AGO4: variants seen among roughly 807,000 people sequenced by gnomAD.
AGO4 encodes the protein protein argonaute-4.
AGO4 carries 33 observed loss-of-function variants against 104.7 expected under a neutral mutation model. The observed-to-expected ratio is 0.32, with a 90% CI of 0.24 to 0.42. The LOEUF (loss-of-function observed/expected upper bound fraction) is 0.42. AGO4 is among the 10% of genes least tolerant of loss of function. The pLI is 1.00. For missense variants in AGO4, 711 were observed against 1,083.4 expected (o/e 0.66, Z 4.83); for synonymous variants, 331 against 364.7 (o/e 0.91, Z 1.05).
chr1:35,821,300 A>G (rs1463926061), intron 2 of AGO4, among the ~76,000 whole-genome samples: 1 of 152,200 alleles, frequency 6.6e-6, no homozygotes, highest in African/African-American at 2.4e-5. Flanking sequence ...AATTTTTTTC[A>G]GTCACATGAT....
intron 2 of AGO4, among the ~76,000 whole-genome samples, chr1:35,819,450 C>T (rs1017593006): frequency 2.0e-4 from 30 of 151,588 alleles, no homozygotes; most frequent in African/African-American, 4.1e-4. Flanking sequence ...AACAAAAGGC[C>T]GCGCGCGGTG....
chr1:35,844,183 A>G (rs997753121), intron 15 of AGO4, among the ~76,000 whole-genome samples: 2 of 152,102 alleles, frequency 1.3e-5, no homozygotes, highest in Admixed American at 1.3e-4. Context: ...CTGGGACTAC[A>G]GGCACTCACC....
Position 35,831,466 on chromosome 1 carries a change from T to A in AGO4, c.888T>A (p.Cys296Ter). 6.2e-7 allele frequency: 1 copy of A among 1,614,160 alleles called. No homozygotes were observed. Among genetic ancestry groups the A allele is most frequent in the Middle Eastern group, 1.6e-4 (1 of 6,062 alleles). The change falls in exon 8 of 18, where the codon TGT becomes TGA. Residue 296 changes from cysteine (C) to a stop codon, truncating the protein, a stop_gained. Coordinates refer to ENST00000373210, the MANE Select transcript of AGO4 (RefSeq NM_017629.4). LOFTEE classifies it high-confidence loss of function. ...TAGAAAACGGTCAAGCTATGGAATG[T>A]ACAGTAGCTCAATATTTTAAGCAAA... ...LQLENGQAMECTVAQYFKQKY... is the reference protein window; with the variant it reads ...LQLENGQAME
intron 3 of AGO4, among the ~76,000 whole-genome samples, chr1:35,825,074 C>T (rs1185127813): frequency 6.6e-6 from 1 of 152,090 alleles, no homozygotes; most frequent in African/African-American, 2.4e-5. Context: ...TTTCATTTAG[C>T]ATAATGTTTT....
chr1:35,826,722 G>GTT (rs1557560196), intron 6 of AGO4, 26 bp from the exon 7 acceptor site: 2 of 1,591,322 alleles, frequency 1.3e-6, no homozygotes. Flanking sequence ...ATTAACTGAT[G>GTT]TTTTGCCTTT....
intron 2 of AGO4, among the ~76,000 whole-genome samples, chr1:35,819,655 C>G (rs1053200095): frequency 2.0e-5 from 3 of 151,150 alleles, no homozygotes; most frequent in Non-Finnish European, 4.4e-5. Flanking sequence ...ATCACTTGAA[C>G]CCGGGAGACG....
rs181111244 is a variant in AGO4 at position 35,845,386 on chromosome 1, T to C, written c.2175+3636T>C. On this transcript the variant is annotated intron_variant, in intron 15 of 17. Transcript: ENST00000373210. Reference sequence around the variant, plus strand: ...CCATGCCCAGCTAATTTTGTATTTGTGGTAGAGACAGGGTTTCACTATGTT... The same window carrying C: ...CCATGCCCAGCTAATTTTGTATTTGCGGTAGAGACAGGGTTTCACTATGTT... Among the ~76,000 whole-genome samples the C allele has an allele frequency of 2.9e-3, 434 of 152,114 alleles. 2 individuals carry two copies. Among genetic ancestry groups the C allele is most frequent in the South Asian group, 3.3e-3 (16 of 4,822 alleles).
In AGO4 at chr1:35,822,942, A is replaced by G; in HGVS notation, c.266A>G (p.Asn89Ser). 6.2e-7 allele frequency: 1 copy of G among 1,614,116 alleles called. No homozygotes were observed. The highest frequency in any genetic ancestry group is 8.5e-7 in the Non-Finnish European group (1 of 1,180,000). ...DRQPGYDGKR[N>S]MYTAHPLPIG... is the part of the protein sequence containing the mutation. ...CAGCCTGGGTATGATGGCAAAAGAA[A>G]CATGTACACAGCACATCCACTACCA... Residue 89 changes from asparagine to serine, a missense_variant, in exon 3 of 18, where the codon AAC becomes AGC. By Grantham distance (46) the Asn-to-Ser change is conservative (BLOSUM62 1). Coordinates refer to ENST00000373210, the MANE Select transcript of AGO4 (RefSeq NM_017629.4).
At position 35,810,460 on chromosome 1, in the gene AGO4, G is replaced by A. The variant is rs527279438; in HGVS notation, c.19+2025G>A. Among the ~76,000 whole-genome samples, 4 of 152,190 alleles carry A rather than the reference G, an allele frequency of 2.6e-5. No homozygotes were observed. In the South Asian group the frequency reaches 8.3e-4, roughly 32 times the overall value. On this transcript the variant is annotated intron_variant, in intron 1 of 17. Transcript: ENST00000373210. ...ATCCCTCCCTGCCCACCGCCTCCCT[G>A]CAACCTAGTTCAGTTTCTGCCAATA...
intron 7 of AGO4, 63 bp from the exon 8 acceptor site, chr1:35,831,364 A>C (rs1644180099): frequency 6.5e-7 from 1 of 1,534,708 alleles, no homozygotes. Flanking sequence ...AAAAAAGAAA[A>C]AAGAAAAAGA....
At chr1:35,812,085 T>TGG (rs1643527285) in intron 1 of AGO4, among the ~76,000 whole-genome samples, 1 of 152,062 alleles carries the variant, frequency 6.6e-6, no homozygotes, top group Admixed American at 6.6e-5. Context: ...CTTTAGCCAC[T>TGG]GTGCTTTATT....
chr1:35,854,016 A>G lies in AGO4; in HGVS notation c.*411A>G, dbSNP rs1236394031. ...AGTGGGGTATATGCATAAGTGGGAG[A>G]GAAAAACCAAACAATCTACTTCAGT... On this transcript the variant is annotated 3_prime_UTR_variant, in exon 18 of 18. Transcript: ENST00000373210. The G allele has an allele frequency of 3.9e-5, 6 of 153,646 alleles. No homozygotes were observed. Among genetic ancestry groups the G allele is most frequent in the African/African-American group, 1.4e-4 (6 of 41,468 alleles). 9.5% of individuals were successfully genotyped at this position (153,646 alleles called of 1,614,324 possible).
intron 15 of AGO4, among the ~76,000 whole-genome samples, chr1:35,842,832 C>T (rs922525873): frequency 1.3e-5 from 2 of 152,072 alleles, no homozygotes; most frequent in African/African-American, 4.8e-5. Context: ...ATCCAAAACA[C>T]CTCTAATCCC....
chr1:35,818,658 A>AAAGAAAGG (rs1553144552), intron 2 of AGO4, among the ~76,000 whole-genome samples: 34 of 61,508 alleles, frequency 5.5e-4, no homozygotes, highest in African/African-American at 1.7e-3. Context: ...AGAAAGAAAG[A>AAAGAAAGG]AAGGAAGAAA....
At chr1:35,842,007 G>A (rs1174859094) in intron 15 of AGO4, among the ~76,000 whole-genome samples, 2 of 152,016 alleles carry the variant, frequency 1.3e-5, no homozygotes, top group Admixed American at 1.3e-4. Context: ...GTGTCGGGGG[G>A]AGTAGGTCAG....
At chr1:35,814,121 GGAA>G (rs1331289860) in intron 1 of AGO4, among the ~76,000 whole-genome samples, 1 of 149,956 alleles carries the variant, frequency 6.7e-6, no homozygotes. Flanking sequence ...AGAGAAAAAA[GGAA>G]GGAAGGAAGG....
In AGO4 at chr1:35,808,459, GCGGGACC is replaced by G. The variant is rs775495758; in HGVS notation, c.19+43_19+49del. 4.1e-5 allele frequency: 48 copies of G among 1,179,518 alleles called. No homozygotes were observed. Among genetic ancestry groups the G allele is most frequent in the Non-Finnish European group, 4.5e-5 (43 of 954,154 alleles). 73.1% of individuals were successfully genotyped at this position (1,179,518 alleles called of 1,614,324 possible). ...CGGTGAGGAGCGAGCTCGGGTCGGG[GCGGGACC>G]CGGGACCCGGGACCCGGGGCGGGCG... On this transcript the variant is annotated intron_variant, in intron 1 of 17. Transcript: ENST00000373210. The surrounding 1 kb of genome is among the most constrained non-coding windows in gnomAD (Gnocchi z 5.2).
chr1:35,835,101 CT>C, intron 12 of AGO4, among the ~76,000 whole-genome samples: 1 of 150,914 alleles, frequency 6.6e-6, no homozygotes, highest in South Asian at 2.1e-4. Context: ...GCCTCCGCCT[CT>C]TGGGTTCAAG....
At position 35,856,355 on chromosome 1, in the gene AGO4, G is replaced by A. The variant is rs1432152372; in HGVS notation, c.*2750G>A. On this transcript the variant is annotated 3_prime_UTR_variant, in exon 18 of 18. Coordinates refer to ENST00000373210, the MANE Select transcript of AGO4 (RefSeq NM_017629.4). Reference sequence around the variant, plus strand: ...GACAATTTGAATAGGTAACCCCCTCGGGACTGACTGAATCGTTATGCATGT... The same window carrying A: ...GACAATTTGAATAGGTAACCCCCTCAGGACTGACTGAATCGTTATGCATGT... 1.3e-5 allele frequency: 2 copies of A among 152,128 alleles called. No individual in the cohort carries two copies. Among genetic ancestry groups the A allele is most frequent in the South Asian group, 2.1e-4 (1 of 4,826 alleles). 9.4% of individuals were successfully genotyped at this position (152,128 alleles called of 1,614,324 possible).
Sources: allele counts gnomAD v4.1 joint callset (sites outside exome capture counted in the v4.1 genomes callset), GRCh38; gene constraint gnomAD v4.1.1; non-coding constraint Gnocchi (gnomAD v3.1); transcripts MANE v1.5; gene names NCBI Gene and HGNC (gene_info 2026-07-23, HGNC 2026-07-21).